The following BCAS3 variants were observed in gnomAD, a reference collection of about 807,000 sequenced individuals.
BCAS3 encodes BCAS4/BCAS3 fusion.
A neutral mutation model predicts 116.1 loss-of-function variants in BCAS3; 53 were observed. That is an observed-to-expected ratio of 0.46 (90% CI 0.37 to 0.57). The LOEUF is 0.57. Ranked by LOEUF, BCAS3 falls within the 20% of genes least tolerant of loss-of-function variation. BCAS3 has a pLI of 0.00. For synonymous variants in BCAS3, 391 were observed against 408.2 expected (o/e 0.96, Z 0.51); for missense variants, 917 against 1,165.4 (o/e 0.79, Z 3.10).
At chr17:61,292,788 C>T (rs1270114294) in intron 22 of BCAS3, among the ~76,000 whole-genome samples, 1 of 152,112 alleles carries the variant, frequency 6.6e-6, no homozygotes, top group Non-Finnish European at 1.5e-5. Context: ...ATTGCCACAA[C>T]CTTGCAAACT....
intron 22 of BCAS3, among the ~76,000 whole-genome samples, chr17:61,225,937 C>G (rs563744932): frequency 4.6e-5 from 7 of 152,282 alleles, no homozygotes; most frequent in African/African-American, 1.7e-4. Flanking sequence ...TTTACATATG[C>G]TATGGAAACA....
At chr17:60,910,060 T>C (rs2058409325) in intron 11 of BCAS3, among the ~76,000 whole-genome samples, 1 of 152,186 alleles carries the variant, frequency 6.6e-6, no homozygotes, top group African/African-American at 2.4e-5. Flanking sequence ...AAGCACATTC[T>C]TTTCCACATA....
intron 7 of BCAS3, among the ~76,000 whole-genome samples, chr17:60,862,465 A>G (rs1035709517): frequency 1.5e-4 from 23 of 152,174 alleles, no homozygotes; most frequent in African/African-American, 5.3e-4. Context: ...GTAGGTTTTA[A>G]AAAATGACAG....
rs1026556008 is a variant in BCAS3 at position 61,141,222 on chromosome 17, A to G, written c.2425+56658A>G. 2.0e-5 allele frequency among the ~76,000 whole-genome samples: 3 copies of G among 152,142 alleles called. No homozygotes were observed. The highest frequency in any genetic ancestry group is 7.2e-5 in the African/African-American group (3 of 41,420). ...TTCAACAAGGGGCCTTTACATTCATATGTAGGGCATTTGGTTGCTTAAATA... is the reference window on the plus strand; with the variant it reads ...TTCAACAAGGGGCCTTTACATTCATGTGTAGGGCATTTGGTTGCTTAAATA... On this transcript the variant is annotated intron_variant, in intron 22 of 23. Transcript: ENST00000407086. The surrounding 1 kb of genome is among the most constrained non-coding windows in gnomAD (Gnocchi z 4.3).
In BCAS3 at chr17:60,747,198, A is replaced by C; in HGVS notation, c.322A>C (p.Ile108Leu). 6.2e-7 allele frequency: 1 copy of C among 1,607,790 alleles called. No individual in the cohort carries two copies. The highest frequency in any genetic ancestry group is 8.5e-7 in the Non-Finnish European group (1 of 1,174,508). Residue 108 changes from isoleucine to leucine, a missense_variant and splice_region_variant, in exon 6 of 24, where the codon ATC (isoleucine) becomes CTC (leucine). Physicochemically the swap from Ile to Leu is conservative, Grantham distance 5 (BLOSUM62 2). This residue lies in a region of BCAS3 where 807 missense variants were observed against 1,026.0 expected (regional missense o/e 0.79). Coordinates refer to ENST00000407086, the MANE Select transcript of BCAS3 (RefSeq NM_017679.5). Reference sequence around the variant, plus strand: ...ATATTTTCTTTCTTCTCTTATGCAGATCAGTGGTGAAGCACAAGAGCTCTT... The same window carrying C: ...ATATTTTCTTTCTTCTCTTATGCAGCTCAGTGGTGAAGCACAAGAGCTCTT... ...SDGMQVWSIPISGEAQELFSV... is the reference protein window; with the variant it reads ...SDGMQVWSIPLSGEAQELFSV...
intron 7 of BCAS3, among the ~76,000 whole-genome samples, chr17:60,842,945 CAT>C (rs745769499): frequency 3.3e-5 from 5 of 151,260 alleles, no homozygotes; most frequent in Non-Finnish European, 5.9e-5. Context: ...AATTATAGCT[CAT>C]TGCAGTCTTG....
intron 4 of BCAS3, among the ~76,000 whole-genome samples, chr17:60,697,407 AAAAT>A (rs1178752682): frequency 6.6e-6 from 1 of 151,842 alleles, no homozygotes; most frequent in Non-Finnish European, 1.5e-5. Context: ...CTAAAAATAC[AAAAT>A]AAATAAATAA....
intron 19 of BCAS3, among the ~76,000 whole-genome samples, chr17:61,067,001 T>G (rs1440697088): frequency 6.6e-6 from 1 of 151,806 alleles, no homozygotes; most frequent in Non-Finnish European, 1.5e-5. Flanking sequence ...TAGCAGTATG[T>G]AAAGCAACAC....
At chr17:60,704,793 G>C (rs2036892735) in intron 4 of BCAS3, among the ~76,000 whole-genome samples, 1 of 151,290 alleles carries the variant, frequency 6.6e-6, no homozygotes, top group Admixed American at 6.6e-5. Flanking sequence ...AGCTGAGATT[G>C]TGCCACTGCA....
At chr17:61,123,104 A>G (rs1270578469) in intron 22 of BCAS3, among the ~76,000 whole-genome samples, 1 of 151,834 alleles carries the variant, frequency 6.6e-6, no homozygotes, top group African/African-American at 2.4e-5. Context: ...ACCATGTCCA[A>G]CTGATTTTTT....
chr17:61,368,258 G>A lies in BCAS3; in HGVS notation c.2426-69G>A. The A allele has an allele frequency of 1.3e-6, 2 of 1,490,134 alleles. No individual in the cohort carries two copies. Among genetic ancestry groups the A allele is most frequent in the Admixed American group, 1.9e-5 (1 of 51,680 alleles). 92.3% of individuals were successfully genotyped at this position (1,490,134 alleles called of 1,614,324 possible). A position where few individuals can be genotyped will look rare whatever the true frequency, so the allele number is the denominator to read the frequency against. On this transcript the variant is annotated intron_variant, in intron 22 of 23. Transcript: ENST00000407086. This position sits in a 1 kb window ranked among gnomAD's most constrained non-coding sequence, Gnocchi z 6.0. Reference sequence around the variant, plus strand: ...CCTGGGTATGGAGAGGAGCGGGTGGGAGGTAGACAAGAATGGCCTGCTCCC... The same window carrying A: ...CCTGGGTATGGAGAGGAGCGGGTGGAAGGTAGACAAGAATGGCCTGCTCCC...
chr17:61,352,850 C>G lies in BCAS3; in HGVS notation c.2426-15477C>G, dbSNP rs114042450. On this transcript the variant is annotated intron_variant, in intron 22 of 23. Transcript: ENST00000407086. This position sits in a 1 kb window ranked among gnomAD's most constrained non-coding sequence, Gnocchi z 4.7. Reference sequence around the variant, plus strand: ...GCCCTCTGCAGCTGTGCAGAGAAGGCCTGGTGCCGCCACACTCCTGCTCGG... The same window carrying G: ...GCCCTCTGCAGCTGTGCAGAGAAGGGCTGGTGCCGCCACACTCCTGCTCGG... Among the ~76,000 whole-genome samples the G allele has an allele frequency of 8.0e-3, 1,220 of 152,270 alleles. 7 individuals are homozygous for G. Among genetic ancestry groups the G allele is most frequent in the African/African-American group, 0.028 (1,171 of 41,544 alleles).
At chr17:61,027,375 T>G in intron 16 of BCAS3, 1 of 455,052 alleles carries the variant, frequency 2.2e-6, no homozygotes, top group South Asian at 1.6e-5. Flanking sequence ...AAAAGTTCTG[T>G]TTTTGAATAG....
intron 7 of BCAS3, among the ~76,000 whole-genome samples, chr17:60,865,420 A>G (rs2054508056): frequency 6.6e-6 from 1 of 152,156 alleles, no homozygotes. Context: ...ATCCAAGAAC[A>G]TGGTATTTAC....
chr17:61,187,136 T>C (rs897046651), intron 22 of BCAS3, among the ~76,000 whole-genome samples: 6 of 152,224 alleles, frequency 3.9e-5, no homozygotes, highest in African/African-American at 1.2e-4. Context: ...CTACATGTTA[T>C]TTTTATTGAG....
At chr17:61,112,577 A>G (rs2075161392) in intron 22 of BCAS3, among the ~76,000 whole-genome samples, 1 of 106,562 alleles carries the variant, frequency 9.4e-6, no homozygotes, top group African/African-American at 3.6e-5. Flanking sequence ...GAGCACCCAG[A>G]TTCATAAAGC....
At chr17:61,018,254 C>A (rs1053045856) in intron 16 of BCAS3, among the ~76,000 whole-genome samples, 5 of 146,330 alleles carry the variant, frequency 3.4e-5, no homozygotes, top group African/African-American at 1.3e-4. Flanking sequence ...TGTTTCAAGA[C>A]TAGCCAAAGG....
chr17:61,154,827 G>A (rs567435884), intron 22 of BCAS3, among the ~76,000 whole-genome samples: 1 of 151,804 alleles, frequency 6.6e-6, no homozygotes, highest in East Asian at 1.9e-4. Context: ...ATGTAAAAAA[G>A]GAATTACATT....
intron 13 of BCAS3, among the ~76,000 whole-genome samples, chr17:60,938,013 C>T (rs2060024743): frequency 6.9e-6 from 1 of 145,946 alleles, no homozygotes; most frequent in Non-Finnish European, 1.5e-5. Context: ...TTATATTTCT[C>T]ACTCTTTTTT....
Sources: gnomAD v4.1 joint callset for allele counts (sites outside exome capture counted in the v4.1 genomes callset) on GRCh38, gnomAD v4.1.1 for gene constraint, gnomAD v4.1.1 regional missense constraint, Gnocchi (gnomAD v3.1) non-coding constraint, MANE v1.5 for transcripts, NCBI Gene and HGNC (gene_info 2026-07-23, HGNC 2026-07-21) for gene names.